FHOD3: variants seen among roughly 807,000 people sequenced by gnomAD.
The protein encoded by FHOD3 is formin homology 2 domain containing 3, also known as FH1/FH2 domain-containing protein 3.
FHOD3 carries 90 observed loss-of-function variants against 173.0 expected under a neutral mutation model. The ratio of observed to expected loss-of-function variants is 0.52; its 90% CI spans 0.44 to 0.62. FHOD3 has a LOEUF of 0.62. Ranked by LOEUF, FHOD3 falls within the 20% of genes least tolerant of loss-of-function variation. The pLI is 0.00. For missense variants in FHOD3, 1,945 were observed against 2,034.7 expected (o/e 0.96, Z 0.85); for synonymous variants, 828 against 823.0 (o/e 1.01, Z -0.10).
chr18:36,734,349 C>T (rs2041524466), intron 20 of FHOD3, among the ~76,000 whole-genome samples: 1 of 152,198 alleles, frequency 6.6e-6, no homozygotes, highest in African/African-American at 2.4e-5. Flanking sequence ...ACATCCCTGG[C>T]CTCTACCCAT....
intron 1 of FHOD3, among the ~76,000 whole-genome samples, chr18:36,311,127 G>A (rs1568105697): frequency 1.3e-5 from 2 of 151,866 alleles, no homozygotes; most frequent in Non-Finnish European, 2.9e-5. Flanking sequence ...GAGATGGATG[G>A]ATGGGGAGTC....
At chr18:36,544,576 CT>C (rs2057344755) in intron 5 of FHOD3, 1 of 152,348 alleles carries the variant, frequency 6.6e-6, no homozygotes, top group African/African-American at 2.4e-5. Flanking sequence ...TGCCTCTGGA[CT>C]TGCCAAAGTT....
chr18:36,680,452 A>AT (rs965236270), intron 14 of FHOD3, among the ~76,000 whole-genome samples: 2 of 152,068 alleles, frequency 1.3e-5, no homozygotes, highest in African/African-American at 4.8e-5. Flanking sequence ...TGTTTTGGAG[A>AT]TTTTTTTCCA....
At chr18:36,616,121 G>A (rs2033173011) in intron 9 of FHOD3, among the ~76,000 whole-genome samples, 1 of 152,190 alleles carries the variant, frequency 6.6e-6, no homozygotes, top group Non-Finnish European at 1.5e-5. Context: ...AATAAAGTAA[G>A]CATACTAAAG....
chr18:36,368,500 C>T (rs575791472), intron 2 of FHOD3, among the ~76,000 whole-genome samples: 52 of 152,194 alleles, frequency 3.4e-4, no homozygotes, highest in Middle Eastern at 3.4e-3. Context: ...GGTCAGACTG[C>T]CTGGGTTGAG....
chr18:36,451,913 C>A (rs74822610), intron 3 of FHOD3, among the ~76,000 whole-genome samples: 6,743 of 152,214 alleles, frequency 0.044, 465 homozygotes, highest in African/African-American at 0.15. Context: ...ATAGCAGCCG[C>A]CCTCTGGACT....
At chr18:36,760,454 G>T (rs2042820513) in intron 26 of FHOD3, among the ~76,000 whole-genome samples, 154 bp from the exon 27 acceptor site, 1 of 152,196 alleles carries the variant, frequency 6.6e-6, no homozygotes, top group African/African-American at 2.4e-5. Context: ...CAGATGTTTT[G>T]TCATTAGTTA....
At chr18:36,600,871 C>G (rs987216330) in intron 7 of FHOD3, among the ~76,000 whole-genome samples, 2 of 152,228 alleles carry the variant, frequency 1.3e-5, no homozygotes, top group Non-Finnish European at 2.9e-5. Flanking sequence ...ACTTTCTCCC[C>G]TGCACATTCT....
rs1378700065 is a variant in FHOD3, at chr18:36,740,625, G to C, written c.3577-31G>C. The stretch of plus-strand genomic sequence containing the variant: ...GACAGGGGAGGGTCCATCACTAAGA[G>C]AAAATATACTATATCATCTCCTATT... On this transcript the variant is annotated intron_variant, in intron 20 of 28. Transcript: ENST00000590592. 13 of 1,581,714 alleles carry C rather than the reference G, an allele frequency of 8.2e-6. No individual in the cohort carries two copies. The South Asian group carries it at 1.5e-4, about 18-fold the overall frequency.
intron 9 of FHOD3, among the ~76,000 whole-genome samples, chr18:36,619,995 C>T (rs1185299982): frequency 2.0e-5 from 3 of 152,168 alleles, no homozygotes; most frequent in Non-Finnish European, 2.9e-5. Context: ...ATTGAGATCC[C>T]ATGAGGGCCT....
intron 6 of FHOD3, among the ~76,000 whole-genome samples, chr18:36,579,876 G>C (rs1034765907): frequency 2.0e-5 from 3 of 151,800 alleles, no homozygotes; most frequent in Admixed American, 1.3e-4. Context: ...ACAAAGAAAA[G>C]AAGAGGGAGA....
chr18:36,448,304 A>G (rs913094598), intron 3 of FHOD3, among the ~76,000 whole-genome samples: 1 of 152,214 alleles, frequency 6.6e-6, no homozygotes, highest in Admixed American at 6.5e-5. Context: ...AGGGTAGGGT[A>G]GAAGCCATCC....
chr18:36,586,447 T>G (rs2059030112), intron 6 of FHOD3, among the ~76,000 whole-genome samples: 1 of 152,138 alleles, frequency 6.6e-6, no homozygotes, highest in African/African-American at 2.4e-5. Context: ...AGTGCAGGGA[T>G]TTTGGTATTC....
chr18:36,697,442 G>A (rs1396579091), intron 17 of FHOD3, among the ~76,000 whole-genome samples: 3 of 152,146 alleles, frequency 2.0e-5, no homozygotes, highest in Non-Finnish European at 4.4e-5. Context: ...GCAAAATTAT[G>A]TCTACAGTAT....
intron 3 of FHOD3, among the ~76,000 whole-genome samples, chr18:36,382,206 T>A (rs2047826123): frequency 1.3e-5 from 2 of 152,244 alleles, no homozygotes; most frequent in South Asian, 4.2e-4. Context: ...GATGCTGTCG[T>A]CCCCAAATGT....
intron 3 of FHOD3, among the ~76,000 whole-genome samples, chr18:36,478,953 G>A (rs1424626032): frequency 1.3e-5 from 2 of 152,128 alleles, no homozygotes; most frequent in Admixed American, 6.6e-5. Flanking sequence ...ATCAAAGAGA[G>A]GATTCTAAAT....
At position 36,780,189 on chromosome 18, in the gene FHOD3, C is replaced by T. The variant is rs1379067091; in HGVS notation, c.*659C>T. ...TGGAACGGCCTTCAGATCCTTTGGG[C>T]TGTATTTTGTTAATAGAGTGAGTAA... On this transcript the variant is annotated 3_prime_UTR_variant, in exon 29 of 29. Transcript: ENST00000590592. 1.6e-6 allele frequency: 2 copies of T among 1,231,656 alleles called. No individual in the cohort carries two copies. Among genetic ancestry groups the T allele is most frequent in the African/African-American group, 1.6e-5 (1 of 64,404 alleles). The allele number at this position is 1,231,656 out of a possible 1,614,324, so 76.3% of individuals were successfully genotyped here. A position where few individuals can be genotyped will look rare whatever the true frequency, so the allele number is the denominator to read the frequency against.
At chr18:36,347,731 T>C (rs1164235617) in intron 1 of FHOD3, among the ~76,000 whole-genome samples, 1 of 152,208 alleles carries the variant, frequency 6.6e-6, no homozygotes, top group Non-Finnish European at 1.5e-5. Flanking sequence ...AGTTTAAAAA[T>C]GATTTGTTGG....
intron 10 of FHOD3, among the ~76,000 whole-genome samples, chr18:36,642,368 C>T (rs1291257929): frequency 1.3e-5 from 2 of 151,890 alleles, no homozygotes; most frequent in Non-Finnish European, 2.9e-5. Flanking sequence ...GCCTGTAATC[C>T]CAGCACTTTG....
Sources: gnomAD v4.1 joint callset for allele counts (sites outside exome capture counted in the v4.1 genomes callset) on GRCh38, gnomAD v4.1.1 for gene constraint, MANE v1.5 for transcripts, NCBI Gene and HGNC (gene_info 2026-07-23, HGNC 2026-07-21) for gene names.